FER1L6: variants seen among roughly 807,000 people sequenced by gnomAD.
The protein encoded by FER1L6 is fer-1 like family member 6.
FER1L6 carries 177 observed loss-of-function variants against 219.2 expected under a neutral mutation model. That is an observed-to-expected ratio of 0.81 (90% CI 0.71 to 0.91). The LOEUF (loss-of-function observed/expected upper bound fraction) is 0.91, where lower values mean the gene tolerates loss of function less well. Ranked by LOEUF, FER1L6 falls within the 40% of genes least tolerant of loss-of-function variation. The pLI is 0.00. For missense variants in FER1L6, 2,153 were observed against 2,259.9 expected, an observed-to-expected ratio of 0.95 and a Z score of 0.96; for synonymous variants, 768 against 824.3, an observed-to-expected ratio of 0.93 and a Z score of 1.17.
chr8:123,965,380 C>T (rs1178416769), intron 3 of FER1L6, among the ~76,000 whole-genome samples: 1 of 152,206 alleles, frequency 6.6e-6, no homozygotes, highest in Non-Finnish European at 1.5e-5. Context: ...GCTTCTATGA[C>T]AACAGGAATT....
At chr8:123,949,655 C>T (rs994228369) in intron 1 of FER1L6, among the ~76,000 whole-genome samples, 1 of 152,276 alleles carries the variant, frequency 6.6e-6, no homozygotes, top group Non-Finnish European at 1.5e-5. Flanking sequence ...CTTGCCCACT[C>T]AGCTGCAGGG....
chr8:124,075,258 T>C (rs1192411705), intron 31 of FER1L6, among the ~76,000 whole-genome samples: 1 of 152,154 alleles, frequency 6.6e-6, no homozygotes, highest in African/African-American at 2.4e-5. Context: ...AAATATGTTC[T>C]TGATATCCTT....
chr8:124,072,578 T>C (rs1410385185), intron 31 of FER1L6, among the ~76,000 whole-genome samples: 1 of 152,234 alleles, frequency 6.6e-6, no homozygotes, highest in African/African-American at 2.4e-5. Context: ...AAAATAAAAA[T>C]GAATTATCCT....
Position 123,853,238 on chromosome 8 carries a change from G to A in FER1L6, c.-8+1053G>A, listed in dbSNP as rs561683035. ...GGTACAATCTTGGCTCACTGCAGCC[G>A]CCACCTCCCAGGTTCAAGTGAGTCT... On this transcript the variant is annotated intron_variant, in intron 1 of 40. Transcript: ENST00000522917. The surrounding 1 kb of genome is among the most constrained non-coding windows in gnomAD (Gnocchi z 6.6). 2.1e-4 allele frequency among the ~76,000 whole-genome samples: 32 copies of A among 152,210 alleles called. No homozygotes were observed. Among genetic ancestry groups the A allele is most frequent in the African/African-American group, 6.3e-4 (26 of 41,532 alleles).
chr8:123,979,410 T>C (rs1240808114), intron 10 of FER1L6, among the ~76,000 whole-genome samples: 1 of 152,196 alleles, frequency 6.6e-6, no homozygotes, highest in Admixed American at 6.5e-5. Context: ...ATCTCCCTTT[T>C]AGAGGTGAGG....
chr8:123,890,280 A>G (rs910698612), intron 1 of FER1L6, among the ~76,000 whole-genome samples: 6 of 152,218 alleles, frequency 3.9e-5, no homozygotes, highest in African/African-American at 1.4e-4. Context: ...ATTAATTTGT[A>G]TACTGGGAGC....
chr8:123,892,932 T>C (rs1171373091), intron 1 of FER1L6, among the ~76,000 whole-genome samples: 1 of 152,194 alleles, frequency 6.6e-6, no homozygotes, highest in African/African-American at 2.4e-5. Flanking sequence ...AGGTAGTGTT[T>C]AACTTACTTT....
chr8:123,901,742 G>A (rs1258176800), intron 1 of FER1L6, among the ~76,000 whole-genome samples: 1 of 150,068 alleles, frequency 6.7e-6, no homozygotes, highest in Non-Finnish European at 1.5e-5. Context: ...TTTTTGAGAT[G>A]GAGCCTCGCT....
chr8:124,004,016 T>C (rs75285010), intron 13 of FER1L6, among the ~76,000 whole-genome samples: 5,610 of 151,486 alleles, frequency 0.037, 224 homozygotes, highest in East Asian at 0.11. Context: ...TATATTCATC[T>C]GAGTCCTGTG....
chr8:123,977,308 C>T, intron 9 of FER1L6, 109 bp from the exon 10 acceptor site: 3 of 1,101,722 alleles, frequency 2.7e-6, no homozygotes, highest in South Asian at 1.5e-5. Flanking sequence ...GTGTCAGAAG[C>T]AGGTTCATTA....
chr8:123,942,056 C>A (rs891937151), intron 1 of FER1L6, among the ~76,000 whole-genome samples: 1 of 152,138 alleles, frequency 6.6e-6, no homozygotes, highest in Non-Finnish European at 1.5e-5. Flanking sequence ...TGTCTGTGAA[C>A]CCCTGAGCCC....
At chr8:123,965,441 T>G (rs533664367) in intron 3 of FER1L6, among the ~76,000 whole-genome samples, 1 of 152,366 alleles carries the variant, frequency 6.6e-6, no homozygotes, top group East Asian at 1.9e-4. Flanking sequence ...GTGTTGCACA[T>G]GTTTTCAATT....
At position 124,066,485 on chromosome 8, in the gene FER1L6, G is replaced by T. The variant is rs753569889; in HGVS notation, c.3613G>T (p.Glu1205Ter). The T allele has an allele frequency of 1.2e-6, 2 of 1,613,624 alleles. No individual in the cohort carries two copies. The highest frequency in any genetic ancestry group is 2.2e-5 in the East Asian group (1 of 44,870). Reference protein sequence around the residue: ...TKRRKRTIADESAENVIDWWS... With the variant: ...TKRRKRTIAD Reference sequence around the variant, plus strand: ...GAGGAGAAAGAGGACCATAGCAGATGAATCTGCTGAAAACGTGATTGACTG... The same window carrying T: ...GAGGAGAAAGAGGACCATAGCAGATTAATCTGCTGAAAACGTGATTGACTG... Residue 1205 changes from glutamate to a stop codon, truncating the protein, a stop_gained, in exon 27 of 41, where the codon GAA becomes TAA. Transcript: ENST00000522917. LOFTEE classifies it high-confidence loss of function.
chr8:124,104,483 A>G (rs1822680963), intron 39 of FER1L6, among the ~76,000 whole-genome samples: 1 of 152,214 alleles, frequency 6.6e-6, no homozygotes, highest in Non-Finnish European at 1.5e-5. Flanking sequence ...TTCAAACAGG[A>G]CAAAGGACAA....
intron 10 of FER1L6, among the ~76,000 whole-genome samples, chr8:123,979,990 C>T (rs1006079904): frequency 2.0e-5 from 3 of 152,238 alleles, no homozygotes; most frequent in Non-Finnish European, 2.9e-5. Context: ...CACACACTCT[C>T]TCTCTTCTCT....
chr8:123,980,385 T>G (rs1816269452), intron 10 of FER1L6, 80 bp from the exon 11 acceptor site: 1 of 1,145,112 alleles, frequency 8.7e-7, no homozygotes, highest in South Asian at 1.6e-5. Context: ...TTCTTGGATA[T>G]TCTACATTTT....
chr8:123,950,936 A>G (rs1244980258), intron 1 of FER1L6, among the ~76,000 whole-genome samples: 3 of 151,698 alleles, frequency 2.0e-5, no homozygotes, highest in African/African-American at 7.3e-5. Flanking sequence ...CCTGTGCATA[A>G]ATAGAGAAGG....
chr8:124,042,828 A>G (rs1274840038), intron 20 of FER1L6, among the ~76,000 whole-genome samples: 1 of 152,210 alleles, frequency 6.6e-6, no homozygotes, highest in East Asian at 1.9e-4. Flanking sequence ...ATGGAATGAA[A>G]TATTTCAAAG....
chr8:124,002,950 C>T (rs887401097), intron 12 of FER1L6, among the ~76,000 whole-genome samples: 1 of 151,932 alleles, frequency 6.6e-6, no homozygotes, highest in Non-Finnish European at 1.5e-5. Flanking sequence ...TCTAATTTGT[C>T]ATTTGTGTAG....
Sources: allele counts gnomAD v4.1 joint callset (sites outside exome capture counted in the v4.1 genomes callset), GRCh38; gene constraint gnomAD v4.1.1; non-coding constraint Gnocchi (gnomAD v3.1); transcripts MANE v1.5; gene names NCBI Gene and HGNC (gene_info 2026-07-23, HGNC 2026-07-21).